The following SGK3 variants were observed in gnomAD, a reference collection of about 807,000 sequenced individuals.
SGK3 encodes the protein serine/threonine-protein kinase Sgk3.
Under a neutral mutation model 68.5 loss-of-function variants are expected in SGK3, and 47 were observed. The observed-to-expected ratio is 0.69, with a 90% CI of 0.54 to 0.87. The LOEUF is 0.87. SGK3 is among the 40% of genes least tolerant of loss of function. The pLI is 0.00. For missense variants in SGK3, 479 were observed against 575.5 expected, an observed-to-expected ratio of 0.83 and a Z score of 1.72; for synonymous variants, 181 against 189.1, an observed-to-expected ratio of 0.96 and a Z score of 0.35.
chr8:66,774,887 G>A (rs1806632191), intron 1 of SGK3, among the ~76,000 whole-genome samples: 1 of 80,830 alleles, frequency 1.2e-5, no homozygotes, highest in African/African-American at 5.0e-5. Context: ...AATGAGCGCG[G>A]TTGTTTTGAG....
At chr8:66,847,374 G>A (rs375371632) in intron 15 of SGK3, 26 bp downstream of exon 15, 2 of 1,606,410 alleles carry the variant, frequency 1.2e-6, no homozygotes, top group African/African-American at 2.7e-5. Flanking sequence ...TCTAGCTCCA[G>A]CTTTATTTAA....
chr8:66,728,103 A>G (rs1045261046), intron 1 of SGK3, among the ~76,000 whole-genome samples: 3 of 152,128 alleles, frequency 2.0e-5, no homozygotes, highest in African/African-American at 7.2e-5. Flanking sequence ...AACTTTCATC[A>G]TCCCCAAAAG....
At chr8:66,814,405 A>G (rs1808498539) in intron 5 of SGK3, among the ~76,000 whole-genome samples, 4 of 152,188 alleles carry the variant, frequency 2.6e-5, no homozygotes, top group Admixed American at 2.6e-4. Context: ...AGGTGTAGGC[A>G]TATCTTCTTG....
Position 66,806,550 on chromosome 8 carries a change from C to T in SGK3, c.253+2103C>T, listed in dbSNP as rs138347327. Among the ~76,000 whole-genome samples the T allele has an allele frequency of 3.8e-3, 579 of 152,130 alleles. 4 individuals carry two copies. The highest frequency in any genetic ancestry group is 0.013 in the African/African-American group (531 of 41,514). On this transcript the variant is annotated intron_variant, in intron 4 of 16. Transcript: ENST00000521198. ...TTACAGAGAGCAGATATGGTAGCTA[C>T]GCCTGTAATCCCAGCACTTTGGGAG...
At chr8:66,840,394 A>G in intron 12 of SGK3, 147 bp downstream of exon 12, 1 of 847,232 alleles carries the variant, frequency 1.2e-6, no homozygotes, top group Non-Finnish European at 1.8e-6. Context: ...GATGGAGAAC[A>G]GATTAGTGGT....
At chr8:66,716,129 C>T (rs188282462) in intron 1 of SGK3, among the ~76,000 whole-genome samples, 18 of 152,246 alleles carry the variant, frequency 1.2e-4, no homozygotes, top group South Asian at 2.1e-4. Context: ...TTATTTTAAG[C>T]GACTCAGTGT....
At chr8:66,734,609 T>A (rs1283240462) in intron 1 of SGK3, among the ~76,000 whole-genome samples, 1 of 152,052 alleles carries the variant, frequency 6.6e-6, no homozygotes, top group Admixed American at 6.6e-5. Context: ...TTATCCATAG[T>A]GTTGCTTTCT....
chr8:66,838,311 G>A lies in SGK3; in HGVS notation c.742-1692G>A, dbSNP rs748104689. Among the ~76,000 whole-genome samples the A allele has an allele frequency of 2.6e-4, 39 of 152,146 alleles. 1 individual carries two copies. The highest frequency in any genetic ancestry group is 6.5e-5 in the Admixed American group (1 of 15,270). On this transcript the variant is annotated intron_variant, in intron 10 of 16. Coordinates refer to ENST00000521198, the MANE Select transcript of SGK3 (RefSeq NM_001033578.3). Reference sequence around the variant, plus strand: ...AAACTCCTGACCTCATGATCCACCCGCCTCAGCCTCCCAAAGTGCTGGAAT... The same window carrying A: ...AAACTCCTGACCTCATGATCCACCCACCTCAGCCTCCCAAAGTGCTGGAAT...
In SGK3 at chr8:66,824,566, C is replaced by G. The variant is rs186624115; in HGVS notation, c.417+2107C>G. Among the ~76,000 whole-genome samples the G allele has an allele frequency of 4.7e-3, 708 of 152,158 alleles. 4 individuals are homozygous for G. The highest frequency in any genetic ancestry group is 0.016 in the African/African-American group (679 of 41,544). On this transcript the variant is annotated intron_variant, in intron 6 of 16. Coordinates refer to ENST00000521198, the MANE Select transcript of SGK3 (RefSeq NM_001033578.3). The stretch of plus-strand genomic sequence containing the variant: ...AATTTTATGCAACTCTTTTGGAAAG[C>G]AATTCAGCAGTACATATCAAATATA...
intron 8 of SGK3, 101 bp from the exon 9 acceptor site, chr8:66,835,662 C>G: frequency 3.0e-6 from 4 of 1,313,466 alleles, no homozygotes; most frequent in Non-Finnish European, 4.1e-6. Context: ...TATGGACTTT[C>G]TTTTTACAGA....
chr8:66,818,254 A>G (rs56023521), intron 5 of SGK3, among the ~76,000 whole-genome samples: 3,761 of 152,318 alleles, frequency 0.025, 159 homozygotes, highest in African/African-American at 0.084. Context: ...CATAGAAGGA[A>G]CCCATGCAAA....
intron 10 of SGK3, among the ~76,000 whole-genome samples, 182 bp downstream of exon 10, chr8:66,836,256 T>G (rs932456847): frequency 7.2e-5 from 11 of 152,134 alleles, no homozygotes; most frequent in Non-Finnish European, 7.4e-5. Context: ...AAGCATATGG[T>G]ATAGTTGAGA....
intron 1 of SGK3, among the ~76,000 whole-genome samples, chr8:66,720,900 C>T (rs1200701043): frequency 6.6e-6 from 1 of 152,044 alleles, no homozygotes; most frequent in Non-Finnish European, 1.5e-5. Context: ...GAGCTGGGAT[C>T]ATGTCACTGC....
intron 13 of SGK3, 52 bp from the exon 14 acceptor site, chr8:66,843,400 T>C: frequency 6.5e-7 from 1 of 1,544,254 alleles, no homozygotes; most frequent in Non-Finnish European, 8.8e-7. Context: ...ATTTATAAAT[T>C]TTGTCTTGAT....
intron 5 of SGK3, among the ~76,000 whole-genome samples, chr8:66,818,163 A>G (rs2130657668): frequency 6.6e-6 from 1 of 152,264 alleles, no homozygotes; most frequent in South Asian, 2.1e-4. Context: ...TTGAACCCCC[A>G]AATCATAAGT....
In SGK3 at chr8:66,859,709, GA is replaced by G. The variant is rs1174776111; in HGVS notation, c.*134del. 1.0e-4 allele frequency: 114 copies of G among 1,121,328 alleles called. 1 individual carries two copies. The East Asian group carries it at 3.0e-3, about 30-fold the overall frequency. 69.5% of individuals were successfully genotyped at this position (1,121,328 alleles called of 1,614,324 possible). ...TTTTATATGTAATGATGAAAACTAT[GA>G]AAAAATGTATTTTCTTCTATGTGCA... On this transcript the variant is annotated 3_prime_UTR_variant, in exon 17 of 17. Transcript: ENST00000521198.
chr8:66,740,590 A>G (rs942378964), intron 1 of SGK3, among the ~76,000 whole-genome samples: 2 of 152,184 alleles, frequency 1.3e-5, no homozygotes, highest in African/African-American at 4.8e-5. Flanking sequence ...TCATCTTAGT[A>G]TGGTCATCTG....
chr8:66,716,975 C>G (rs1391949630), intron 1 of SGK3, among the ~76,000 whole-genome samples: 2 of 151,794 alleles, frequency 1.3e-5, no homozygotes, highest in African/African-American at 4.8e-5. Flanking sequence ...GTGGGCAGAT[C>G]ACCTGAGTTC....
chr8:66,805,482 T>C (rs545393260), intron 4 of SGK3, among the ~76,000 whole-genome samples: 14 of 145,870 alleles, frequency 9.6e-5, no homozygotes, highest in Non-Finnish European at 1.5e-4. Flanking sequence ...TCAGCAGCAC[T>C]GCACTCCAGC....
Sources: allele counts gnomAD v4.1 joint callset (sites outside exome capture counted in the v4.1 genomes callset), GRCh38; gene constraint gnomAD v4.1.1; transcripts MANE v1.5; gene names NCBI Gene and HGNC (gene_info 2026-07-23, HGNC 2026-07-21).